Variants in DMD observed in about 807,000 individuals in gnomAD.
DMD encodes the protein mutant dystrophin.
DMD carries 63 observed loss-of-function variants against 330.1 expected under a neutral mutation model. The ratio of observed to expected loss-of-function variants is 0.19; its 90% CI spans 0.16 to 0.24. DMD has a LOEUF of 0.24. Among genes scored for constraint, DMD ranks in the 10% least tolerant of loss-of-function variants. The pLI is 1.00. For missense variants in DMD, 3,344 were observed against 2,684.1 expected, an observed-to-expected ratio of 1.25 and a Z score of -5.43; for synonymous variants, 1,223 against 959.8, an observed-to-expected ratio of 1.27 and a Z score of -5.07.
At chrX:32,877,291 T>A (rs971350145) in intron 2 of DMD, among the ~76,000 whole-genome samples, 3 of 112,587 alleles carry the variant, frequency 2.7e-5, no homozygotes, top group Non-Finnish European at 5.6e-5. Context: ...TCATTTAGAA[T>A]TCATCTGCAC....
intron 2 of DMD, among the ~76,000 whole-genome samples, chrX:32,908,304 TG>T (rs1178716194): frequency 8.9e-6 from 1 of 112,109 alleles, no homozygotes; most frequent in Non-Finnish European, 1.9e-5. Flanking sequence ...ATATTTTCCA[TG>T]GGAAATATCA....
intron 1 of DMD, among the ~76,000 whole-genome samples, chrX:33,179,365 A>G (rs770918898): frequency 9.0e-6 from 1 of 111,519 alleles, no homozygotes; most frequent in Non-Finnish European, 1.9e-5. Context: ...CATTGTAGAA[A>G]TGTTACGAAA....
chrX:32,202,253 C>T lies in DMD; in HGVS notation c.6438+14663G>A, dbSNP rs187238423. 2.9e-3 allele frequency among the ~76,000 whole-genome samples: 328 copies of T among 112,117 alleles called. 1 individual carries two copies. The highest frequency in any genetic ancestry group is 1.0e-2 in the African/African-American group (309 of 30,910). ...ATACGCAAAACAGCATTAGTTTCTT[C>T]CCTATATTTTTAATTACAGTAATGC... On this transcript the variant is annotated intron_variant, in intron 44 of 78. Transcript: ENST00000357033.
At position 32,543,363 on chromosome X, in the gene DMD, A is replaced by T. The variant is rs748073540; in HGVS notation, c.2168+1796T>A. Among the ~76,000 whole-genome samples, 4 of 110,535 alleles carry T rather than the reference A, an allele frequency of 3.6e-5. No individual in the cohort carries two copies. In the South Asian group the frequency reaches 1.6e-3, roughly 43 times the overall value. On this transcript the variant is annotated intron_variant, in intron 17 of 78. Transcript: ENST00000357033. The stretch of plus-strand genomic sequence containing the variant: ...TTTTTTCCAACACAATCCATTCTCC[A>T]AACAGGAGCCAATAATAAGCTTTTG...
chrX:31,645,658 C>T (rs2080048681), intron 54 of DMD, among the ~76,000 whole-genome samples: 2 of 112,337 alleles, frequency 1.8e-5, no homozygotes, highest in African/African-American at 6.5e-5. Context: ...CAAACACTTA[C>T]TGAGTGCATG....
At chrX:32,590,851 G>T (rs1027337549) in intron 13 of DMD, among the ~76,000 whole-genome samples, 2 of 111,110 alleles carry the variant, frequency 1.8e-5, no homozygotes, top group African/African-American at 6.5e-5. Flanking sequence ...CGTATCATGG[G>T]ACTTCACCTT....
chrX:32,033,651 AAG>A (rs1270519290), intron 44 of DMD, among the ~76,000 whole-genome samples: 26 of 38,916 alleles, frequency 6.7e-4, no homozygotes, highest in African/African-American at 5.1e-3. Context: ...GAAAGAAAGA[AAG>A]AAGAAAGAAA....
At chrX:33,009,862 A>G (rs1602654628) in intron 2 of DMD, among the ~76,000 whole-genome samples, 1 of 36,474 alleles carries the variant, frequency 2.7e-5, no homozygotes, top group Middle Eastern at 0.025. Context: ...ATATGTGTAT[A>G]TGTGTGTATA....
At chrX:32,652,426 G>C (rs1027019222) in intron 9 of DMD, among the ~76,000 whole-genome samples, 5 of 108,377 alleles carry the variant, frequency 4.6e-5, no homozygotes, top group Non-Finnish European at 9.6e-5. Context: ...TGAGAATGAT[G>C]GTCTCCAGCT....
At chrX:33,195,432 T>G (rs190098912) in intron 1 of DMD, among the ~76,000 whole-genome samples, 161 of 111,272 alleles carry the variant, frequency 1.4e-3, no homozygotes, top group African/African-American at 5.1e-3. Context: ...TTCTCCAAAT[T>G]TCTACTCTGC....
chrX:31,758,966 T>C (rs2089350658), intron 51 of DMD, among the ~76,000 whole-genome samples: 1 of 112,008 alleles, frequency 8.9e-6, no homozygotes, highest in African/African-American at 3.2e-5. Context: ...GCTTTTTAAA[T>C]TCTGATAACG....
At chrX:31,804,203 G>A (rs779489755) in intron 50 of DMD, among the ~76,000 whole-genome samples, 80 of 111,333 alleles carry the variant, frequency 7.2e-4, no homozygotes, top group Non-Finnish European at 1.2e-3. Context: ...CAGTTCCCCT[G>A]AACCCTAAAA....
At chrX:32,913,834 A>T (rs1006545266) in intron 2 of DMD, among the ~76,000 whole-genome samples, 1 of 112,288 alleles carries the variant, frequency 8.9e-6, no homozygotes, top group Non-Finnish European at 1.9e-5. Flanking sequence ...CATATTCCCC[A>T]GCCTCTTATT....
chrX:31,722,137 C>T (rs756394892), intron 52 of DMD, among the ~76,000 whole-genome samples: 5 of 96,211 alleles, frequency 5.2e-5, no homozygotes, highest in South Asian at 4.3e-4. Flanking sequence ...TATTTATTTA[C>T]GATGGAGTTT....
At chrX:31,123,367 G>T (rs1473183840) in intron 78 of DMD, among the ~76,000 whole-genome samples, 1 of 112,261 alleles carries the variant, frequency 8.9e-6, no homozygotes, top group Non-Finnish European at 1.9e-5. Context: ...GGCTGAGACT[G>T]CAAGTATAAA....
At chrX:31,832,451 T>C (rs558529429) in intron 49 of DMD, among the ~76,000 whole-genome samples, 3 of 111,983 alleles carry the variant, frequency 2.7e-5, no homozygotes, top group Middle Eastern at 9.2e-3. Context: ...TCATCCCTGG[T>C]TGTGACTGAC....
At chrX:33,218,739 G>A (rs1010664351) in intron 1 of DMD, among the ~76,000 whole-genome samples, 3 of 110,936 alleles carry the variant, frequency 2.7e-5, no homozygotes, top group East Asian at 2.8e-4. Flanking sequence ...GGCATAAACC[G>A]TAGATCTTTT....
intron 2 of DMD, among the ~76,000 whole-genome samples, chrX:32,979,082 T>C (rs755021328): frequency 8.9e-6 from 1 of 112,411 alleles, no homozygotes; most frequent in South Asian, 3.7e-4. Context: ...CTTAATTTTG[T>C]ACAAAACCAC....
intron 45 of DMD, among the ~76,000 whole-genome samples, chrX:31,942,447 A>G (rs1313564731): frequency 8.9e-6 from 1 of 111,988 alleles, no homozygotes; most frequent in Non-Finnish European, 1.9e-5. Context: ...CTCTACTTCT[A>G]TTTCTTCATC....
Sources: allele counts gnomAD v4.1 joint callset (sites outside exome capture counted in the v4.1 genomes callset), GRCh38; gene constraint gnomAD v4.1.1; transcripts MANE v1.5; gene names NCBI Gene and HGNC (gene_info 2026-07-23, HGNC 2026-07-21).